The following USP17L7 variants were observed in gnomAD, a reference collection of about 807,000 sequenced individuals.
USP17L7 encodes the protein ubiquitin specific peptidase 17 like family member 7.
Under a neutral mutation model 37.6 loss-of-function variants are expected in USP17L7, and 53 were observed. The observed-to-expected ratio is 1.41, with a 90% CI of 1.13 to 1.77. The LOEUF (loss-of-function observed/expected upper bound fraction) is 1.77, where lower values mean the gene tolerates loss of function less well. USP17L7 is among the 40% of genes most tolerant of loss of function. The probability of loss-of-function intolerance (pLI) is 0.00; values close to 1 mark genes in which losing one functional copy is unlikely to be tolerated. For missense variants in USP17L7, 914 were observed against 645.0 expected, an observed-to-expected ratio of 1.42 and a Z score of -4.52; for synonymous variants, 330 against 251.0, an observed-to-expected ratio of 1.31 and a Z score of -2.98.
Position 12,132,878 on chromosome 8 carries a change from ATTC to A in USP17L7, c.1129_1131del (p.Glu377del). Reference sequence around the variant, plus strand: ...GACACACTCTCACTGTGTCTTTCCCATTCACTCTTCTGGATGTAAAAGAGGACA... The same window carrying A: ...GACACACTCTCACTGTGTCTTTCCCAACTCTTCTGGATGTAAAAGAGGACA... On this transcript the variant is annotated inframe_deletion, in exon 1 of 1. Transcript: ENST00000530447. 1 of 1,496,074 alleles carries A rather than the reference ATTC, an allele frequency of 6.7e-7. No individual in the cohort carries two copies. Among genetic ancestry groups the A allele is most frequent in the Non-Finnish European group, 9.1e-7 (1 of 1,095,448 alleles). The allele number at this position is 1,496,074 out of a possible 1,614,324, so 92.7% of individuals were successfully genotyped here.
Position 12,132,960 on chromosome 8 carries a change from A to T in USP17L7, c.1050T>A (p.Asp350Glu). The change falls in exon 1 of 1, where the codon GAT (aspartate) becomes GAA (glutamate). Residue 350 changes from aspartate to glutamate, a missense_variant. Physicochemically the swap from Asp to Glu is conservative, Grantham distance 45. Transcript: ENST00000530447. Reference protein sequence around the residue: ...KAQEGQWYKMDDAEVTASGIT... With the variant: ...KAQEGQWYKMEDAEVTASGIT... ...TGCCAGAGGCAGTGACCTCGGCATC[A>T]TCCATTTTATACCACTGGCCTTCTT... The T allele has an allele frequency of 5.2e-6, 8 of 1,530,330 alleles. 2 individuals carry two copies. Among genetic ancestry groups the T allele is most frequent in the Non-Finnish European group, 7.1e-6 (8 of 1,125,898 alleles). 94.8% of individuals were successfully genotyped at this position (1,530,330 alleles called of 1,614,324 possible). A position where few individuals can be genotyped will look rare whatever the true frequency, so the allele number is the denominator to read the frequency against.
Position 12,133,624 on chromosome 8 carries a change from T to G in USP17L7, c.386A>C (p.Gln129Pro). The change falls in exon 1 of 1, where the codon CAA (glutamine) becomes CCA (proline). Residue 129 changes from glutamine to proline, a missense_variant. Coordinates refer to ENST00000530447, the MANE Select transcript of USP17L7 (RefSeq NM_001256869.2). ...GTGGAGGGCCCATGTGATGTGAGCTTGCATAGTACAGAACATGCAGCACTT... is the reference window on the plus strand; with the variant it reads ...GTGGAGGGCCCATGTGATGTGAGCTGGCATAGTACAGAACATGCAGCACTT... ...LHKCCMFCTM[Q>P]AHITWALHSP... 1.6e-6 allele frequency: 2 copies of G among 1,237,002 alleles called. No homozygotes were observed. The highest frequency in any genetic ancestry group is 2.3e-6 in the Non-Finnish European group (2 of 861,942). The allele number at this position is 1,237,002 out of a possible 1,614,324, so 76.6% of individuals were successfully genotyped here.
chr8:12,133,182 G>A lies in USP17L7; in HGVS notation c.828C>T (p.Leu276=). The change falls in exon 1 of 1, where the codon CTC becomes CTT. Residue 276 remains leucine (L), a synonymous_variant. Transcript: ENST00000530447. ...TLTLPTSAKV[L]ILVLKRFSDV... ...CGGAGAATCTCTTCAATACAAGAATGAGGACCTTGGCAGAAGTGGGTAAAG... is the reference window on the plus strand; with the variant it reads ...CGGAGAATCTCTTCAATACAAGAATAAGGACCTTGGCAGAAGTGGGTAAAG... 1 of 1,511,356 alleles carries A rather than the reference G, an allele frequency of 6.6e-7. No individual in the cohort carries two copies. The highest frequency in any genetic ancestry group is 1.2e-5 in the South Asian group (1 of 80,706). The allele number at this position is 1,511,356 out of a possible 1,614,324, so 93.6% of individuals were successfully genotyped here. A position where few individuals can be genotyped will look rare whatever the true frequency, so the allele number is the denominator to read the frequency against.
Position 12,133,248 on chromosome 8 carries a change from A to T in USP17L7, c.762T>A (p.Cys254Ter), listed in dbSNP as rs774396771. Residue 254 changes from cysteine to a stop codon, truncating the protein, a stop_gained, in exon 1 of 1, where the codon TGT becomes TGA. Coordinates refer to ENST00000530447, the MANE Select transcript of USP17L7 (RefSeq NM_001256869.2). LOFTEE classifies it high-confidence loss of function. ...KELNGENAYH[C>*]GLCLQKAPAS... ...CAGGCGCCTTCTGGAGACAAAGACC[A>T]CAATGATAGGCATTCTCTCCATTGA... is the stretch of plus-strand genomic sequence containing the variant. 28 of 1,495,810 alleles carry T rather than the reference A, an allele frequency of 1.9e-5. 3 individuals carry two copies. The African/African-American group carries it at 3.1e-4, about 16-fold the overall frequency. 92.7% of individuals were successfully genotyped at this position (1,495,810 alleles called of 1,614,324 possible). A position where few individuals can be genotyped will look rare whatever the true frequency, so the allele number is the denominator to read the frequency against.
chr8:12,132,436 G>A lies in USP17L7; in HGVS notation c.1574C>T (p.Ser525Phe). The stretch of plus-strand genomic sequence containing the variant: ...CTGTGATCACTGGCACACAAGCAGA[G>A]ATCTCTTGCTGTGTTTGTTATTCCC... ...SKGNNKHSKR[S>F]LLVCQ The change falls in exon 1 of 1, where the codon TCT becomes TTT. Residue 525 changes from serine to phenylalanine, a missense_variant. By Grantham distance (155) the Ser-to-Phe change is radical. Transcript: ENST00000530447. 5 of 1,422,492 alleles carry A rather than the reference G, an allele frequency of 3.5e-6. 2 individuals are homozygous for A. The highest frequency in any genetic ancestry group is 4.8e-6 in the Non-Finnish European group (5 of 1,031,668). 88.1% of individuals were successfully genotyped at this position (1,422,492 alleles called of 1,614,324 possible).
Position 12,134,051 on chromosome 8 carries a change from G to C in USP17L7, c.-42C>G, listed in dbSNP as rs752856962. On this transcript the variant is annotated 5_prime_UTR_variant, in exon 1 of 1. Coordinates refer to ENST00000530447, the MANE Select transcript of USP17L7 (RefSeq NM_001256869.2). ...ATCACAAGGTTTTTCTGCTGGGACC[G>C]CAGGTTGCAGCAAGACGCTATCTCT... 9.3e-6 allele frequency: 8 copies of C among 857,476 alleles called. No individual in the cohort carries two copies. Among genetic ancestry groups the C allele is most frequent in the Non-Finnish European group, 1.3e-5 (7 of 520,526 alleles). The allele number at this position is 857,476 out of a possible 1,614,324, so 53.1% of individuals were successfully genotyped here.
Position 12,133,197 on chromosome 8 carries a change from A to C in USP17L7, c.813T>G (p.Thr271=). 9 of 1,506,512 alleles carry C rather than the reference A, an allele frequency of 6.0e-6. 1 individual carries two copies. The highest frequency in any genetic ancestry group is 8.1e-6 in the Non-Finnish European group (9 of 1,107,190). 93.3% of individuals were successfully genotyped at this position (1,506,512 alleles called of 1,614,324 possible). A position where few individuals can be genotyped will look rare whatever the true frequency, so the allele number is the denominator to read the frequency against. Residue 271 remains threonine (T), a synonymous_variant, in exon 1 of 1, where the codon ACT becomes ACG. Transcript: ENST00000530447. ...APASKTLTLP[T]SAKVLILVLK... ...ATACAAGAATGAGGACCTTGGCAGAAGTGGGTAAAGTTAACGTCTTGGAGG... is the reference window on the plus strand; with the variant it reads ...ATACAAGAATGAGGACCTTGGCAGACGTGGGTAAAGTTAACGTCTTGGAGG...
Position 12,133,193 on chromosome 8 carries a change from C to T in USP17L7, c.817G>A (p.Ala273Thr). ...TTCAATACAAGAATGAGGACCTTGG[C>T]AGAAGTGGGTAAAGTTAACGTCTTG... ...ASKTLTLPTS[A>T]KVLILVLKRF... Residue 273 changes from alanine to threonine, a missense_variant, in exon 1 of 1, where the codon GCC (alanine) becomes ACC (threonine). Ala to Thr is a moderately conservative substitution (Grantham distance 58). Transcript: ENST00000530447. 2 of 1,507,974 alleles carry T rather than the reference C, an allele frequency of 1.3e-6. No homozygotes were observed. The highest frequency in any genetic ancestry group is 9.0e-7 in the Non-Finnish European group (1 of 1,108,264). 93.4% of individuals were successfully genotyped at this position (1,507,974 alleles called of 1,614,324 possible).
rs3989706 is a variant in USP17L7 at position 12,133,016 on chromosome 8, T to A, written c.994A>T (p.Asn332Tyr). 3.3e-6 allele frequency: 5 copies of A among 1,526,696 alleles called. 1 individual carries two copies. Among genetic ancestry groups the A allele is most frequent in the Non-Finnish European group, 4.4e-6 (5 of 1,123,608 alleles). The allele number at this position is 1,526,696 out of a possible 1,614,324, so 94.6% of individuals were successfully genotyped here. ...TTGACATAAGAGAAGTAATGTCCGTTGTGACAACTCCACCCAGCGTGGACC... is the reference window on the plus strand; with the variant it reads ...TTGACATAAGAGAAGTAATGTCCGTAGTGACAACTCCACCCAGCGTGGACC... Reference protein sequence around the residue: ...VLVHAGWSCHNGHYFSYVKAQ... With the variant: ...VLVHAGWSCHYGHYFSYVKAQ... Residue 332 changes from asparagine (N) to tyrosine (Y), a missense_variant, in exon 1 of 1, where the codon AAC becomes TAC. By Grantham distance (143) the Asn-to-Tyr change is moderately radical. Coordinates refer to ENST00000530447, the MANE Select transcript of USP17L7 (RefSeq NM_001256869.2).
At position 12,133,104 on chromosome 8, in the gene USP17L7, G is replaced by A. The variant is rs756395704; in HGVS notation, c.906C>T (p.Asp302=). 3.6e-5 allele frequency: 54 copies of A among 1,481,300 alleles called. 1 individual carries two copies. The African/African-American group carries it at 6.7e-4, about 18-fold the overall frequency. 91.8% of individuals were successfully genotyped at this position (1,481,300 alleles called of 1,614,324 possible). ...AKNVQYPKCR[D]MQPYMSQQNT... is the part of the protein sequence containing the mutation. The stretch of plus-strand genomic sequence containing the variant: ...TCTGCTGAGACATGTATGGCTGCAT[G>A]TCACGGCACTTAGGATATTGCACAT... The change falls in exon 1 of 1, where the codon GAC becomes GAT. Residue 302 remains aspartate, a synonymous_variant. Coordinates refer to ENST00000530447, the MANE Select transcript of USP17L7 (RefSeq NM_001256869.2).
rs562661936 is a variant in USP17L7, at chr8:12,133,466, G to C, written c.544C>G (p.Gln182Glu). 1.2e-5 allele frequency: 17 copies of C among 1,474,348 alleles called. No individual in the cohort carries two copies. Among genetic ancestry groups the C allele is most frequent in the Non-Finnish European group, 1.6e-5 (17 of 1,082,146 alleles). The allele number at this position is 1,474,348 out of a possible 1,614,324, so 91.3% of individuals were successfully genotyped here. ...GTGTCCTTGGAGTGATGATCTAGCT[G>C]CTTGTGCCCGGGAAGGCATGCCTTT... is the stretch of plus-strand genomic sequence containing the variant. Reference protein sequence around the residue: ...MKKACLPGHKQLDHHSKDTTL... With the variant: ...MKKACLPGHKELDHHSKDTTL... Residue 182 changes from glutamine to glutamate, a missense_variant, in exon 1 of 1, where the codon CAG (glutamine) becomes GAG (glutamate). Gln to Glu is a conservative substitution (Grantham distance 29, BLOSUM62 2). Transcript: ENST00000530447.
At position 12,133,967 on chromosome 8, in the gene USP17L7, T is replaced by G; in HGVS notation, c.43A>C (p.Asn15His). The part of the protein sequence containing the change: ...SLYLGGDWQF[N>H]HFSKLTSSRL... ...GAAGATGTGAGTTTTGAAAAGTGAT[T>G]GAACTGCCAGTCACCTCCCAAATAG... The change falls in exon 1 of 1, where the codon AAT (asparagine) becomes CAT (histidine). Residue 15 changes from asparagine (N) to histidine (H), a missense_variant. By Grantham distance (68) the Asn-to-His change is moderately conservative (BLOSUM62 1). Transcript: ENST00000530447. 1 of 1,223,250 alleles carries G rather than the reference T, an allele frequency of 8.2e-7. No homozygotes were observed. Among genetic ancestry groups the G allele is most frequent in the Non-Finnish European group, 1.2e-6 (1 of 851,656 alleles). 75.8% of individuals were successfully genotyped at this position (1,223,250 alleles called of 1,614,324 possible).
In USP17L7 at chr8:12,132,989, C is replaced by T. The variant is rs201299300; in HGVS notation, c.1021G>A (p.Ala341Thr). The T allele has an allele frequency of 7.6e-3, 11,644 of 1,530,272 alleles. 1,500 individuals are homozygous for T. Among genetic ancestry groups the T allele is most frequent in the South Asian group, 0.053 (4,310 of 80,678 alleles). 94.8% of individuals were successfully genotyped at this position (1,530,272 alleles called of 1,614,324 possible). Reference protein sequence around the residue: ...HNGHYFSYVKAQEGQWYKMDD... With the variant: ...HNGHYFSYVKTQEGQWYKMDD... ...ATTTTATACCACTGGCCTTCTTGAGCTTTGACATAAGAGAAGTAATGTCCG... is the reference window on the plus strand; with the variant it reads ...ATTTTATACCACTGGCCTTCTTGAGTTTTGACATAAGAGAAGTAATGTCCG... The change falls in exon 1 of 1, where the codon GCT becomes ACT. Residue 341 changes from alanine to threonine, a missense_variant. By Grantham distance (58) the Ala-to-Thr change is moderately conservative (BLOSUM62 0). Transcript: ENST00000530447.
At position 12,133,819 on chromosome 8, in the gene USP17L7, G is replaced by C. The variant is rs144333235; in HGVS notation, c.191C>G (p.Pro64Arg). The C allele has an allele frequency of 6.5e-7, 1 of 1,527,494 alleles. No homozygotes were observed. Among genetic ancestry groups the C allele is most frequent in the Non-Finnish European group, 8.9e-7 (1 of 1,126,474 alleles). The allele number at this position is 1,527,494 out of a possible 1,614,324, so 94.6% of individuals were successfully genotyped here. The part of the protein sequence containing the change: ...DLAPVARQLA[P>R]REKLPLSSRR... The stretch of plus-strand genomic sequence containing the variant: ...GCTACTCAGAGGAAGCTTCTCCCTG[G>C]GAGCAAGCTGTCTTGCCACAGGAGC... The change falls in exon 1 of 1, where the codon CCC becomes CGC. Residue 64 changes from proline to arginine, a missense_variant. Coordinates refer to ENST00000530447, the MANE Select transcript of USP17L7 (RefSeq NM_001256869.2).
chr8:12,134,096 G>C lies in USP17L7; in HGVS notation c.-87C>G. On this transcript the variant is annotated 5_prime_UTR_variant, in exon 1 of 1. Coordinates refer to ENST00000530447, the MANE Select transcript of USP17L7 (RefSeq NM_001256869.2). ...ATCTCTTCCGAGAGAGTCTTCAAAT[G>C]ACCAGCTCTCTGGCCGCATCAGCCC... The C allele has an allele frequency of 1.3e-6, 1 of 789,384 alleles. No individual in the cohort carries two copies. The highest frequency in any genetic ancestry group is 2.2e-6 in the Non-Finnish European group (1 of 461,378). The allele number at this position is 789,384 out of a possible 1,614,324, so 48.9% of individuals were successfully genotyped here.
rs749803310 is a variant in USP17L7, at chr8:12,132,475, G to A, written c.1535C>T (p.Thr512Ile). The A allele has an allele frequency of 1.8e-5, 26 of 1,452,240 alleles. 4 individuals carry two copies. The South Asian group carries it at 3.0e-4, about 17-fold the overall frequency. The allele number at this position is 1,452,240 out of a possible 1,614,324, so 90.0% of individuals were successfully genotyped here. A position where few individuals can be genotyped will look rare whatever the true frequency, so the allele number is the denominator to read the frequency against. ...TGTLASLQGS[T>I]RRSKGNNKHS... ...TTTGTTATTCCCTTTGGATCTCCTG[G>A]TGCTCCCTTGCAGAGAAGCGAGTGT... Residue 512 changes from threonine to isoleucine, a missense_variant, in exon 1 of 1, where the codon ACC becomes ATC. By Grantham distance (89) the Thr-to-Ile change is moderately conservative. Transcript: ENST00000530447.
Position 12,133,524 on chromosome 8 carries a change from A to C in USP17L7, c.486T>G (p.His162Gln), listed in dbSNP as rs1208176064. The C allele has an allele frequency of 7.5e-6, 11 of 1,466,710 alleles. 2 individuals are homozygous for C. The African/African-American group carries it at 8.5e-5, about 11-fold the overall frequency. 90.9% of individuals were successfully genotyped at this position (1,466,710 alleles called of 1,614,324 possible). Residue 162 changes from histidine (H) to glutamine (Q), a missense_variant, in exon 1 of 1, where the codon CAT becomes CAG. By Grantham distance (24) the His-to-Gln change is conservative (BLOSUM62 0). Transcript: ENST00000530447. ...GFHRGEQEDA[H>Q]EFLMFTVDAM... ...CATCCACAGTAAACATGAGAAATTCATGGGCATCCTCCTGCTCACCTCTAT... is the reference window on the plus strand; with the variant it reads ...CATCCACAGTAAACATGAGAAATTCCTGGGCATCCTCCTGCTCACCTCTAT...
At position 12,133,223 on chromosome 8, in the gene USP17L7, C is replaced by A. The variant is rs1420521499; in HGVS notation, c.787G>T (p.Ala263Ser). 1.3e-6 allele frequency: 2 copies of A among 1,501,740 alleles called. No individual in the cohort carries two copies. The highest frequency in any genetic ancestry group is 1.2e-5 in the South Asian group (1 of 80,312). The allele number at this position is 1,501,740 out of a possible 1,614,324, so 93.0% of individuals were successfully genotyped here. A position where few individuals can be genotyped will look rare whatever the true frequency, so the allele number is the denominator to read the frequency against. The change falls in exon 1 of 1, where the codon GCC (alanine) becomes TCC (serine). Residue 263 changes from alanine (A) to serine (S), a missense_variant. By Grantham distance (99) the Ala-to-Ser change is moderately conservative. Transcript: ENST00000530447. ...GTGGGTAAAGTTAACGTCTTGGAGG[C>A]AGGCGCCTTCTGGAGACAAAGACCA... ...HCGLCLQKAP[A>S]SKTLTLPTSA...
At position 12,133,591 on chromosome 8, in the gene USP17L7, C is replaced by A. The variant is rs773790291; in HGVS notation, c.419G>T (p.Gly140Val). ...TACCTGTGAGGGCTGGATGACATGG[C>A]CAGGACTGTGGAGGGCCCATGTGAT... ...AHITWALHSP[G>V]HVIQPSQVLA... Residue 140 changes from glycine (G) to valine (V), a missense_variant, in exon 1 of 1, where the codon GGC (glycine) becomes GTC (valine). Physicochemically the swap from Gly to Val is moderately radical, Grantham distance 109. Transcript: ENST00000530447. 4 of 1,307,282 alleles carry A rather than the reference C, an allele frequency of 3.1e-6. 1 individual carries two copies. The highest frequency in any genetic ancestry group is 4.3e-6 in the Non-Finnish European group (4 of 926,996). 81.0% of individuals were successfully genotyped at this position (1,307,282 alleles called of 1,614,324 possible).
Sources: gnomAD v4.1 joint callset for allele counts on GRCh38, gnomAD v4.1.1 for gene constraint, MANE v1.5 for transcripts, NCBI Gene and HGNC (gene_info 2026-07-23, HGNC 2026-07-21) for gene names.